The following SFXN5 variants were observed in gnomAD, a reference collection of about 807,000 sequenced individuals.
SFXN5 encodes the protein sideroflexin-5.
SFXN5 carries 43 observed loss-of-function variants against 50.2 expected under a neutral mutation model. The ratio of observed to expected loss-of-function variants is 0.86; its 90% CI spans 0.67 to 1.11. The LOEUF is 1.11. SFXN5 is among the 50% of genes least tolerant of loss of function. SFXN5 has a pLI of 0.00. For missense variants in SFXN5, 463 were observed against 454.1 expected, an observed-to-expected ratio of 1.02 and a Z score of -0.18; for synonymous variants, 203 against 185.8, an observed-to-expected ratio of 1.09 and a Z score of -0.75.
intron 2 of SFXN5, among the ~76,000 whole-genome samples, chr2:73,047,283 T>TATATATATATATATATATATACAC (rs1325442108): frequency 8.2e-5 from 6 of 73,600 alleles, no homozygotes; most frequent in Non-Finnish European, 1.6e-4. Context: ...TATACACACA[T>TATATATATATATATATATATACAC]ATATATATAT....
chr2:73,056,907 T>G (rs1321882630), intron 2 of SFXN5, among the ~76,000 whole-genome samples: 1 of 152,176 alleles, frequency 6.6e-6, no homozygotes, highest in Admixed American at 6.5e-5. Context: ...ATCACACTTA[T>G]CATAGGATCC....
chr2:72,979,107 G>C (rs995606810), intron 10 of SFXN5, among the ~76,000 whole-genome samples: 3 of 152,104 alleles, frequency 2.0e-5, no homozygotes, highest in African/African-American at 7.2e-5. Flanking sequence ...TGTACAGTAT[G>C]GTACAGTTAA....
At chr2:73,039,497 G>A (rs1559187904) in intron 3 of SFXN5, among the ~76,000 whole-genome samples, 2 of 152,324 alleles carry the variant, frequency 1.3e-5, no homozygotes, top group Non-Finnish European at 2.9e-5. Flanking sequence ...GACTGAATAT[G>A]TATAGGCCCC....
At chr2:73,040,002 G>A (rs953666648) in intron 3 of SFXN5, among the ~76,000 whole-genome samples, 3 of 151,762 alleles carry the variant, frequency 2.0e-5, no homozygotes, top group Non-Finnish European at 2.9e-5. Flanking sequence ...GTAAAGACAC[G>A]GTTTCACCAC....
intron 10 of SFXN5, among the ~76,000 whole-genome samples, chr2:72,987,098 T>C (rs896903016): frequency 5.9e-5 from 9 of 152,128 alleles, no homozygotes; most frequent in African/African-American, 1.9e-4. Context: ...GATATAGTAA[T>C]AGATGTTTTT....
chr2:73,058,722 A>AC, intron 1 of SFXN5, 126 bp from the exon 2 acceptor site: 1 of 810,514 alleles, frequency 1.2e-6, no homozygotes. Context: ...TGTGGGTGAT[A>AC]AATGCCAATG....
intron 2 of SFXN5, among the ~76,000 whole-genome samples, chr2:73,050,420 A>ACACACACACACC (rs1553523879): frequency 1.4e-5 from 2 of 140,676 alleles, no homozygotes; most frequent in African/African-American, 2.5e-5. Context: ...ACACACACAC[A>ACACACACACACC]CCCCTGCAGA....
At chr2:73,047,238 AAAAAAAAAT>A (rs1680486598) in intron 2 of SFXN5, among the ~76,000 whole-genome samples, 7 of 62,624 alleles carry the variant, frequency 1.1e-4, no homozygotes, top group African/African-American at 5.5e-4. Context: ...AAAAAAAAAA[AAAAAAAAAT>A]ATATATATAT....
intron 10 of SFXN5, among the ~76,000 whole-genome samples, chr2:72,986,167 T>C (rs1304689613): frequency 3.3e-5 from 5 of 152,190 alleles, no homozygotes; most frequent in Admixed American, 2.6e-4. Flanking sequence ...ACGACAGAAA[T>C]AGCTGAAAGT....
In SFXN5 at chr2:72,945,214, T is replaced by C; in HGVS notation, c.946-115A>G. The stretch of plus-strand genomic sequence containing the variant: ...CAGAGCTCTGCCCCCTGCACCCCCG[T>C]GTCCACCCCAGCCAGGGCTCACATG... On this transcript the variant is annotated intron_variant, in intron 13 of 13. Transcript: ENST00000272433. The surrounding 1 kb of genome is among the most constrained non-coding windows in gnomAD (Gnocchi z 5.8). The C allele has an allele frequency of 4.3e-6, 4 of 929,360 alleles. No individual in the cohort carries two copies. Among genetic ancestry groups the C allele is most frequent in the Non-Finnish European group, 6.7e-6 (4 of 593,654 alleles). The allele number at this position is 929,360 out of a possible 1,614,324, so 57.6% of individuals were successfully genotyped here.
Position 72,961,297 on chromosome 2 carries a change from G to T in SFXN5, c.828-49C>A. ...CCCATGAGACCCGAAGGTGGGGTGG[G>T]CTGGCTGCCAGCCACCATGCTGGGT... On this transcript the variant is annotated intron_variant, in intron 12 of 13. Coordinates refer to ENST00000272433, the MANE Select transcript of SFXN5 (RefSeq NM_144579.3). The surrounding 1 kb of genome is among the most constrained non-coding windows in gnomAD (Gnocchi z 4.4). 7.4e-7 allele frequency: 1 copy of T among 1,353,920 alleles called. No homozygotes were observed. The highest frequency in any genetic ancestry group is 2.7e-5 in the Admixed American group (1 of 36,672). The allele number at this position is 1,353,920 out of a possible 1,614,324, so 83.9% of individuals were successfully genotyped here.
At chr2:72,985,565 G>T (rs916086985) in intron 10 of SFXN5, among the ~76,000 whole-genome samples, 1 of 151,630 alleles carries the variant, frequency 6.6e-6, no homozygotes, top group African/African-American at 2.4e-5. Context: ...GAAGCCTGTG[G>T]GGGGGTGGGA....
intron 1 of SFXN5, among the ~76,000 whole-genome samples, chr2:73,067,301 G>A (rs1253854228): frequency 6.6e-6 from 1 of 152,270 alleles, no homozygotes; most frequent in South Asian, 2.1e-4. Context: ...TATGACTGCC[G>A]CAGACCAGAG....
intron 13 of SFXN5, among the ~76,000 whole-genome samples, chr2:72,948,646 G>T (rs536017723): frequency 6.6e-6 from 1 of 152,348 alleles, no homozygotes; most frequent in East Asian, 1.9e-4. Flanking sequence ...TGCTGGCCCG[G>T]GGGAGACCGA....
chr2:72,968,664 A>T, intron 11 of SFXN5, 131 bp from the exon 12 acceptor site: 3 of 656,362 alleles, frequency 4.6e-6, no homozygotes, highest in Non-Finnish European at 4.8e-6. Context: ...GGGATTGCTC[A>T]GGAAGCTGCA....
At chr2:73,048,383 T>G (rs941399351) in intron 2 of SFXN5, among the ~76,000 whole-genome samples, 1 of 152,104 alleles carries the variant, frequency 6.6e-6, no homozygotes, top group Non-Finnish European at 1.5e-5. Flanking sequence ...ACCCAGCTAA[T>G]TTTTGTATTT....
intron 10 of SFXN5, among the ~76,000 whole-genome samples, chr2:72,983,130 G>C (rs1203321964): frequency 1.3e-5 from 2 of 152,214 alleles, no homozygotes; most frequent in Non-Finnish European, 2.9e-5. Flanking sequence ...CCTAGACGGA[G>C]GAAGCAGGGT....
chr2:73,009,068 T>C (rs1675138610), intron 6 of SFXN5, among the ~76,000 whole-genome samples: 1 of 152,170 alleles, frequency 6.6e-6, no homozygotes, highest in African/African-American at 2.4e-5. Context: ...CTGCCAGCCT[T>C]ACTCGCCCCT....
intron 13 of SFXN5, among the ~76,000 whole-genome samples, chr2:72,954,796 C>A (rs1672898143): frequency 2.0e-5 from 3 of 152,236 alleles, no homozygotes; most frequent in Admixed American, 2.0e-4. Flanking sequence ...TTGCTGCAGG[C>A]CGGGCACCTG....
Sources: gnomAD v4.1 joint callset for allele counts (sites outside exome capture counted in the v4.1 genomes callset) on GRCh38, gnomAD v4.1.1 for gene constraint, Gnocchi (gnomAD v3.1) non-coding constraint, MANE v1.5 for transcripts, NCBI Gene and HGNC (gene_info 2026-07-23, HGNC 2026-07-21) for gene names.